CCDC171: variants seen among roughly 807,000 people sequenced by gnomAD.
CCDC171 encodes the protein coiled-coil domain-containing protein 171.
CCDC171 carries 177 observed loss-of-function variants against 168.2 expected under a neutral mutation model. The ratio of observed to expected loss-of-function variants is 1.05; its 90% CI spans 0.93 to 1.19. The LOEUF is 1.19. Ranked by LOEUF, CCDC171 falls within the 50% of genes most tolerant of loss-of-function variation. The pLI is 0.00. For synonymous variants in CCDC171, 687 were observed against 540.8 expected, an observed-to-expected ratio of 1.27 and a Z score of -3.75; for missense variants, 1,991 against 1,539.0, an observed-to-expected ratio of 1.29 and a Z score of -4.91.
chr9:15,764,655 T>G (rs1231836343), intron 18 of CCDC171, among the ~76,000 whole-genome samples: 1 of 152,146 alleles, frequency 6.6e-6, no homozygotes, highest in Non-Finnish European at 1.5e-5. Flanking sequence ...TATATTAGAC[T>G]CGTAAGTGTC....
chr9:15,786,346 T>C (rs1213535264), intron 21 of CCDC171, among the ~76,000 whole-genome samples: 1 of 152,078 alleles, frequency 6.6e-6, no homozygotes, highest in African/African-American at 2.4e-5. Flanking sequence ...TAAATATTCA[T>C]TGTGGAAAAA....
intron 6 of CCDC171, among the ~76,000 whole-genome samples, chr9:15,609,584 G>C (rs564037744): frequency 6.6e-6 from 1 of 152,108 alleles, no homozygotes; most frequent in Non-Finnish European, 1.5e-5. Flanking sequence ...TCAATTGTCT[G>C]TTCTTTTACC....
chr9:15,652,795 T>C (rs981068918), intron 7 of CCDC171, among the ~76,000 whole-genome samples: 1 of 152,202 alleles, frequency 6.6e-6, no homozygotes, highest in African/African-American at 2.4e-5. Flanking sequence ...CTTCCATCTT[T>C]ATTCTTCTTT....
At chr9:15,714,880 G>C (rs2052961278) in intron 11 of CCDC171, among the ~76,000 whole-genome samples, 1 of 152,122 alleles carries the variant, frequency 6.6e-6, no homozygotes, top group Non-Finnish European at 1.5e-5. Flanking sequence ...TTTGGTTCTA[G>C]GAACACCATG....
intron 6 of CCDC171, among the ~76,000 whole-genome samples, chr9:15,618,207 A>T (rs556605177): frequency 3.2e-4 from 48 of 152,202 alleles, no homozygotes; most frequent in Non-Finnish European, 5.7e-4. Flanking sequence ...CATATCCTGC[A>T]GAGATGCCCT....
At chr9:15,891,368 C>CT (rs1248203716) in intron 24 of CCDC171, among the ~76,000 whole-genome samples, 1 of 152,054 alleles carries the variant, frequency 6.6e-6, no homozygotes, top group Non-Finnish European at 1.5e-5. Context: ...TGTAGCTTTT[C>CT]TTTTTGCACT....
At chr9:15,920,738 G>A (rs866623466) in intron 25 of CCDC171, among the ~76,000 whole-genome samples, 6 of 151,716 alleles carry the variant, frequency 4.0e-5, no homozygotes, top group Admixed American at 2.6e-4. Context: ...ACTGTCTGAA[G>A]ATTCAGTGTG....
At chr9:15,908,831 G>A (rs551635787) in intron 24 of CCDC171, among the ~76,000 whole-genome samples, 17 of 152,220 alleles carry the variant, frequency 1.1e-4, no homozygotes, top group Non-Finnish European at 1.9e-4. Context: ...GGGAGAGGGA[G>A]GTGCCACATG....
At chr9:15,562,760 GAC>G (rs1440904701) in intron 1 of CCDC171, among the ~76,000 whole-genome samples, 2 of 152,048 alleles carry the variant, frequency 1.3e-5, no homozygotes, top group African/African-American at 4.8e-5. Flanking sequence ...TTGTGCCTTG[GAC>G]ATTACTCTTA....
intron 11 of CCDC171, among the ~76,000 whole-genome samples, chr9:15,712,317 T>G (rs1171650922): frequency 1.3e-5 from 2 of 152,204 alleles, no homozygotes; most frequent in Non-Finnish European, 2.9e-5. Context: ...CATCCCCTTT[T>G]CTCCTTCCTC....
chr9:16,095,175 G>T, the CCDC171 span, among the ~76,000 whole-genome samples: 2 of 152,136 alleles, frequency 1.3e-5, no homozygotes, highest in African/African-American at 4.8e-5. Flanking sequence ...TGTGAGAAGG[G>T]ACTAATATAG....
chr9:15,756,710 T>C (rs556597454), intron 18 of CCDC171, among the ~76,000 whole-genome samples: 31 of 152,350 alleles, frequency 2.0e-4, no homozygotes, highest in Non-Finnish European at 3.5e-4. Flanking sequence ...CCCACCCAAA[T>C]CTCATCCTGA....
At chr9:15,792,332 C>T (rs1022051317) in intron 21 of CCDC171, among the ~76,000 whole-genome samples, 2 of 152,072 alleles carry the variant, frequency 1.3e-5, no homozygotes, top group African/African-American at 2.4e-5. Context: ...GTGAAAAGAC[C>T]AGATCTACGT....
chr9:16,085,639 C>T, the CCDC171 span, among the ~76,000 whole-genome samples: 460 of 152,344 alleles, frequency 3.0e-3, 3 homozygotes, highest in African/African-American at 0.011. Flanking sequence ...AAATGTGTTT[C>T]CAGGTCCTCC....
intron 18 of CCDC171, among the ~76,000 whole-genome samples, chr9:15,766,339 G>A (rs1223607728): frequency 1.3e-5 from 2 of 152,028 alleles, no homozygotes; most frequent in Non-Finnish European, 2.9e-5. Context: ...GAACTCCTGG[G>A]CTCAAGGGAT....
At chr9:15,868,199 A>T (rs1563905126) in intron 23 of CCDC171, among the ~76,000 whole-genome samples, 1 of 151,976 alleles carries the variant, frequency 6.6e-6, no homozygotes. Flanking sequence ...CCAGAGTTGT[A>T]GATTAAGTTA....
chr9:15,670,314 A>G (rs893875609), intron 9 of CCDC171, among the ~76,000 whole-genome samples: 1 of 152,148 alleles, frequency 6.6e-6, no homozygotes, highest in Non-Finnish European at 1.5e-5. Context: ...GCACTTAATT[A>G]TCTATTTTTT....
At chr9:15,769,572 TA>T (rs2056905883) in intron 18 of CCDC171, among the ~76,000 whole-genome samples, 1 of 152,248 alleles carries the variant, frequency 6.6e-6, no homozygotes, top group African/African-American at 2.4e-5. Flanking sequence ...AAGTCACAGA[TA>T]TTTTTATATT....
intron 7 of CCDC171, among the ~76,000 whole-genome samples, chr9:15,626,487 C>G (rs1174284669): frequency 6.6e-6 from 1 of 152,108 alleles, no homozygotes; most frequent in East Asian, 1.9e-4. Flanking sequence ...ATATACATCC[C>G]ATCAATACCT....
Sources: gnomAD v4.1 joint callset for allele counts (sites outside exome capture counted in the v4.1 genomes callset) on GRCh38, gnomAD v4.1.1 for gene constraint, MANE v1.5 for transcripts, NCBI Gene and HGNC (gene_info 2026-07-23, HGNC 2026-07-21) for gene names.